SPAG16: variants seen among roughly 807,000 people sequenced by gnomAD.
The protein encoded by SPAG16 is sperm-associated antigen 16 protein.
In SPAG16, 86 loss-of-function variants were observed where a neutral mutation model predicts 80.4. That is an observed-to-expected ratio of 1.07 (90% CI 0.90 to 1.28). The LOEUF is 1.28. SPAG16 is among the 50% of genes most tolerant of loss of function. SPAG16 has a pLI of 0.00. For missense variants in SPAG16, 870 were observed against 765.3 expected (o/e 1.14, Z -1.61); for synonymous variants, 294 against 265.9 (o/e 1.11, Z -1.03).
intron 9 of SPAG16, among the ~76,000 whole-genome samples, chr2:213,381,853 G>A (rs7608423): frequency 0.034 from 5,133 of 152,228 alleles, 292 homozygotes; most frequent in African/African-American, 0.12. Context: ...AGGTATAGAT[G>A]TATCCGCTGT....
intron 10 of SPAG16, among the ~76,000 whole-genome samples, chr2:213,836,671 G>A (rs548642027): frequency 6.6e-5 from 10 of 151,320 alleles, no homozygotes; most frequent in Admixed American, 4.6e-4. Flanking sequence ...GGAGTGCAAC[G>A]ATGAGATCTT....
At chr2:213,624,397 C>G (rs1294980625) in intron 10 of SPAG16, among the ~76,000 whole-genome samples, 2 of 151,966 alleles carry the variant, frequency 1.3e-5, no homozygotes, top group African/African-American at 2.4e-5. Context: ...AAGAATATAT[C>G]TCTAACTTTC....
At chr2:213,980,037 A>G (rs963287842) in intron 12 of SPAG16, among the ~76,000 whole-genome samples, 3 of 151,748 alleles carry the variant, frequency 2.0e-5, no homozygotes, top group Non-Finnish European at 4.4e-5. Context: ...GCATCATGAA[A>G]GAACCAGACT....
At position 213,839,016 on chromosome 2, in the gene SPAG16, G is replaced by T. The variant is rs142238856; in HGVS notation, c.1071-23469G>T. On this transcript the variant is annotated intron_variant, in intron 10 of 15. Transcript: ENST00000331683. Reference sequence around the variant, plus strand: ...CGTTACCGTCAAGACAATATAGAAAGGTGTTTTAGCTTTCCAAGGTTTGTC... The same window carrying T: ...CGTTACCGTCAAGACAATATAGAAATGTGTTTTAGCTTTCCAAGGTTTGTC... Among the ~76,000 whole-genome samples the T allele has an allele frequency of 9.8e-3, 1,489 of 152,200 alleles. 11 individuals carry two copies. The highest frequency in any genetic ancestry group is 0.016 in the Non-Finnish European group (1,074 of 68,006).
intron 13 of SPAG16, among the ~76,000 whole-genome samples, chr2:214,075,068 T>C (rs2051001236): frequency 6.6e-6 from 1 of 152,002 alleles, no homozygotes; most frequent in Non-Finnish European, 1.5e-5. Context: ...CACAAAACAA[T>C]TGAATTTTAT....
intron 15 of SPAG16, among the ~76,000 whole-genome samples, chr2:214,264,626 ATTG>A (rs1298754341): frequency 6.6e-6 from 1 of 151,654 alleles, no homozygotes; most frequent in East Asian, 1.9e-4. Flanking sequence ...ATATTGATAT[ATTG>A]TTATTAAATA....
chr2:213,948,343 A>G (rs1007619630), intron 12 of SPAG16, among the ~76,000 whole-genome samples: 7 of 152,182 alleles, frequency 4.6e-5, no homozygotes, highest in African/African-American at 1.4e-4. Context: ...TAAAACAAGC[A>G]ATAAAGGAAG....
chr2:213,731,320 C>T (rs2067029635), intron 10 of SPAG16, among the ~76,000 whole-genome samples: 1 of 151,910 alleles, frequency 6.6e-6, no homozygotes, highest in African/African-American at 2.4e-5. Context: ...ACATGCCTGG[C>T]TAATTCTTTT....
intron 13 of SPAG16, among the ~76,000 whole-genome samples, chr2:214,062,020 C>CACACAT (rs1553706944): frequency 0.028 from 4,074 of 146,598 alleles, 233 homozygotes; most frequent in African/African-American, 0.089. Context: ...CACACACACA[C>CACACAT]GCAGTGTGTA....
intron 9 of SPAG16, among the ~76,000 whole-genome samples, chr2:213,456,712 ATTC>A (rs1341278639): frequency 5.9e-5 from 9 of 151,642 alleles, no homozygotes; most frequent in Non-Finnish European, 1.0e-4. Context: ...GTTTCTCCAA[ATTC>A]TTCTTTGAGT....
chr2:214,317,468 A>C (rs2125988151), intron 15 of SPAG16, among the ~76,000 whole-genome samples: 2 of 152,382 alleles, frequency 1.3e-5, no homozygotes, highest in East Asian at 3.9e-4. Flanking sequence ...GATGCCTGTC[A>C]GTCACTTAAG....
chr2:213,917,083 G>GT (rs2078005613), intron 11 of SPAG16, among the ~76,000 whole-genome samples: 1 of 152,082 alleles, frequency 6.6e-6, no homozygotes, highest in African/African-American at 2.4e-5. Flanking sequence ...TGAAAATCAA[G>GT]TTGAACATGT....
At chr2:213,412,045 C>G (rs549006858) in intron 9 of SPAG16, among the ~76,000 whole-genome samples, 6 of 152,114 alleles carry the variant, frequency 3.9e-5, no homozygotes, top group Non-Finnish European at 7.3e-5. Context: ...CGTGAAGCAA[C>G]CTTTTTCGTT....
chr2:214,028,036 G>A (rs978256129), intron 13 of SPAG16, among the ~76,000 whole-genome samples: 2 of 151,810 alleles, frequency 1.3e-5, no homozygotes, highest in African/African-American at 4.8e-5. Context: ...CTGTTTTCTG[G>A]AACTTTTGGC....
intron 10 of SPAG16, among the ~76,000 whole-genome samples, chr2:213,767,906 A>G (rs2069026516): frequency 2.6e-5 from 4 of 152,204 alleles, no homozygotes; most frequent in Admixed American, 2.6e-4. Context: ...GAGTTTGTAG[A>G]CTAGCAGGCA....
At chr2:214,052,750 T>C (rs1001739352) in intron 13 of SPAG16, among the ~76,000 whole-genome samples, 2 of 152,188 alleles carry the variant, frequency 1.3e-5, no homozygotes, top group African/African-American at 4.8e-5. Flanking sequence ...AGACTGATTT[T>C]TCTTCTCATA....
Position 213,364,165 on chromosome 2 carries a change from A to G in SPAG16, c.832+20A>G. 7.0e-7 allele frequency: 1 copy of G among 1,418,496 alleles called. No homozygotes were observed. The highest frequency in any genetic ancestry group is 9.5e-7 in the Non-Finnish European group (1 of 1,056,746). The allele number at this position is 1,418,496 out of a possible 1,614,324, so 87.9% of individuals were successfully genotyped here. A position where few individuals can be genotyped will look rare whatever the true frequency, so the allele number is the denominator to read the frequency against. On this transcript the variant is annotated intron_variant, in intron 8 of 15. Transcript: ENST00000331683. ...TTAAAGGTAAATGTAAAATGTGATG[A>G]AGCTCTCATTTAATATAGTTTGGTG...
chr2:214,136,541 C>G (rs964020225), intron 14 of SPAG16, among the ~76,000 whole-genome samples: 2 of 152,118 alleles, frequency 1.3e-5, no homozygotes, highest in African/African-American at 4.8e-5. Flanking sequence ...ATCCATGGAG[C>G]ATGATTGGTG....
chr2:213,348,891 A>C (rs2065165819), intron 6 of SPAG16, among the ~76,000 whole-genome samples: 1 of 152,066 alleles, frequency 6.6e-6, no homozygotes, highest in South Asian at 2.1e-4. Flanking sequence ...TCTTTGTGGC[A>C]TTCTCTGTAT....
Sources: allele counts gnomAD v4.1 joint callset (sites outside exome capture counted in the v4.1 genomes callset), GRCh38; gene constraint gnomAD v4.1.1; transcripts MANE v1.5; gene names NCBI Gene and HGNC (gene_info 2026-07-23, HGNC 2026-07-21).